EPHA6: variants seen among roughly 807,000 people sequenced by gnomAD.
The protein encoded by EPHA6 is ephrin type-A receptor 6.
A neutral mutation model predicts 112.0 loss-of-function variants in EPHA6; 50 were observed. That is an observed-to-expected ratio of 0.45 (90% CI 0.36 to 0.56). The LOEUF is 0.56. Among genes scored for constraint, EPHA6 ranks in the 20% least tolerant of loss-of-function variants. The pLI is 0.00. For synonymous variants in EPHA6, 529 were observed against 490.7 expected, an observed-to-expected ratio of 1.08 and a Z score of -1.03; for missense variants, 1,280 against 1,417.4, an observed-to-expected ratio of 0.90 and a Z score of 1.56.
intron 5 of EPHA6, among the ~76,000 whole-genome samples, chr3:97,301,348 A>G (rs1312585672): frequency 1.3e-5 from 2 of 152,164 alleles, no homozygotes; most frequent in Non-Finnish European, 2.9e-5. Context: ...AGATTTAAGT[A>G]TTACCTCTTT....
intron 4 of EPHA6, among the ~76,000 whole-genome samples, chr3:97,226,924 A>G (rs772085882): frequency 6.6e-5 from 10 of 152,194 alleles, no homozygotes; most frequent in Non-Finnish European, 1.2e-4. Context: ...GAGTTTTTCC[A>G]CATTTCACCT....
At chr3:97,419,814 G>A (rs2088465367) in intron 6 of EPHA6, among the ~76,000 whole-genome samples, 1 of 152,070 alleles carries the variant, frequency 6.6e-6, no homozygotes, top group Non-Finnish European at 1.5e-5. Context: ...TAGAAAGATT[G>A]ATCAAAATTT....
At chr3:96,838,229 T>C (rs969159189) in intron 1 of EPHA6, among the ~76,000 whole-genome samples, 13 of 152,166 alleles carry the variant, frequency 8.5e-5, no homozygotes, top group African/African-American at 3.1e-4. Context: ...GTACATTATC[T>C]CCTTCCTTTT....
intron 13 of EPHA6, among the ~76,000 whole-genome samples, chr3:97,628,587 T>A (rs1412441126): frequency 1.3e-5 from 2 of 152,052 alleles, no homozygotes; most frequent in African/African-American, 4.8e-5. Flanking sequence ...TTCAGGAATA[T>A]GACTATTGAA....
chr3:97,709,812 T>C (rs969698377), intron 14 of EPHA6, among the ~76,000 whole-genome samples: 1 of 152,150 alleles, frequency 6.6e-6, no homozygotes, highest in Non-Finnish European at 1.5e-5. Context: ...TTAAAAGTAT[T>C]TGGCAGATGC....
chr3:97,412,659 A>G (rs1196946820), intron 6 of EPHA6, among the ~76,000 whole-genome samples: 1 of 152,108 alleles, frequency 6.6e-6, no homozygotes, highest in Non-Finnish European at 1.5e-5. Context: ...ATTAAAAATG[A>G]CAGAGAAGTA....
intron 13 of EPHA6, among the ~76,000 whole-genome samples, chr3:97,623,093 AG>A (rs1280326455): frequency 6.6e-6 from 1 of 151,728 alleles, no homozygotes; most frequent in Non-Finnish European, 1.5e-5. Context: ...GAGGCACAAA[AG>A]TTTTTAAGTT....
intron 7 of EPHA6, among the ~76,000 whole-genome samples, chr3:97,454,601 T>TGCAAG (rs1299380147): frequency 6.6e-6 from 1 of 151,858 alleles, no homozygotes; most frequent in African/African-American, 2.4e-5. Context: ...ACATAATATA[T>TGCAAG]GCAAGTTTTA....
At chr3:97,653,337 G>A (rs1576209910) in intron 14 of EPHA6, among the ~76,000 whole-genome samples, 1 of 151,864 alleles carries the variant, frequency 6.6e-6, no homozygotes, top group East Asian at 1.9e-4. Context: ...GTTAAACATG[G>A]GCAAAAGACC....
At chr3:97,642,099 G>C (rs1040969744) in intron 14 of EPHA6, among the ~76,000 whole-genome samples, 2 of 141,196 alleles carry the variant, frequency 1.4e-5, no homozygotes, top group East Asian at 4.2e-4. Context: ...ATCTGAGAAC[G>C]GGCAGACTGC....
intron 10 of EPHA6, among the ~76,000 whole-genome samples, chr3:97,531,884 T>C (rs2092699474): frequency 6.6e-6 from 1 of 152,042 alleles, no homozygotes; most frequent in African/African-American, 2.4e-5. Context: ...AATACGTTCA[T>C]ACATCAATTG....
At chr3:97,450,702 C>T (rs2090497655) in intron 7 of EPHA6, among the ~76,000 whole-genome samples, 2 of 152,046 alleles carry the variant, frequency 1.3e-5, no homozygotes, top group Admixed American at 6.6e-5. Flanking sequence ...GTACAATTCA[C>T]TCATTCAACC....
In EPHA6 at chr3:96,824,968, A is replaced by G. The variant is rs924153600; in HGVS notation, c.385+9960A>G. ...TAAAATACAATATAAGATGGATAAA[A>G]TGAAGAGAAATGATATAAACTTTAC... On this transcript the variant is annotated intron_variant, in intron 1 of 17. Coordinates refer to ENST00000389672, the MANE Select transcript of EPHA6 (RefSeq NM_001080448.3). 2.6e-5 allele frequency among the ~76,000 whole-genome samples: 4 copies of G among 151,970 alleles called. No individual in the cohort carries two copies. The East Asian group carries it at 7.7e-4, about 29-fold the overall frequency.
intron 14 of EPHA6, among the ~76,000 whole-genome samples, chr3:97,687,947 A>G (rs1230670635): frequency 1.3e-5 from 2 of 152,206 alleles, no homozygotes; most frequent in Admixed American, 6.5e-5. Context: ...CAAGCACGTT[A>G]AAGCCCTGGT....
intron 5 of EPHA6, among the ~76,000 whole-genome samples, chr3:97,370,922 G>T (rs2085013574): frequency 6.6e-6 from 1 of 152,042 alleles, no homozygotes; most frequent in Non-Finnish European, 1.5e-5. Flanking sequence ...GGGATGTGAG[G>T]CAAGAATGTC....
intron 10 of EPHA6, among the ~76,000 whole-genome samples, chr3:97,523,950 A>T (rs2092582211): frequency 6.6e-6 from 1 of 152,022 alleles, no homozygotes; most frequent in African/African-American, 2.4e-5. Flanking sequence ...TCTGCCTCTT[A>T]TTCCATACCT....
intron 1 of EPHA6, among the ~76,000 whole-genome samples, chr3:96,826,649 T>C (rs576396396): frequency 1.3e-5 from 2 of 152,208 alleles, no homozygotes; most frequent in South Asian, 4.1e-4. Flanking sequence ...ATTGGAAAGA[T>C]TGTGGTTTAT....
chr3:96,854,262 C>T (rs2035565183), intron 1 of EPHA6, among the ~76,000 whole-genome samples: 1 of 150,876 alleles, frequency 6.6e-6, no homozygotes, highest in Middle Eastern at 3.4e-3. Flanking sequence ...TCACTGCAAC[C>T]TCTGCCTCCT....
intron 16 of EPHA6, among the ~76,000 whole-genome samples, chr3:97,736,470 AGTGTGT>A (rs376497031): frequency 2.0e-4 from 24 of 118,868 alleles, no homozygotes; most frequent in African/African-American, 3.8e-4. Flanking sequence ...AGAGAGAGAG[AGTGTGT>A]GTGTGTGTGT....
Sources: allele counts gnomAD v4.1 joint callset (sites outside exome capture counted in the v4.1 genomes callset), GRCh38; gene constraint gnomAD v4.1.1; transcripts MANE v1.5; gene names NCBI Gene and HGNC (gene_info 2026-07-23, HGNC 2026-07-21).